Variants in SLC16A7 observed in about 807,000 individuals in gnomAD.
SLC16A7 encodes monocarboxylate transporter 2.
A neutral mutation model predicts 34.9 loss-of-function variants in SLC16A7; 33 were observed. That is an observed-to-expected ratio of 0.94 (90% confidence interval 0.72 to 1.26). The LOEUF is 1.26. SLC16A7 is among the 50% of genes most tolerant of loss of function. SLC16A7 has a pLI of 0.00. For synonymous variants in SLC16A7, 201 were observed against 206.6 expected (o/e 0.97, Z 0.23); for missense variants, 573 against 578.1 (o/e 0.99, Z 0.09).
chr12:59,657,126 A>G (rs1868577009), intron 2 of SLC16A7, among the ~76,000 whole-genome samples: 1 of 151,886 alleles, frequency 6.6e-6, no homozygotes, highest in South Asian at 2.1e-4. Flanking sequence ...CAAATACTGT[A>G]TTTTCTAGAT....
chr12:59,703,848 T>C (rs1443324701), intron 2 of SLC16A7, among the ~76,000 whole-genome samples: 3 of 152,258 alleles, frequency 2.0e-5, no homozygotes, highest in South Asian at 2.1e-4. Flanking sequence ...GTAATCATTT[T>C]GCTATGAATA....
chr12:59,677,215 G>T (rs937405553), intron 2 of SLC16A7, among the ~76,000 whole-genome samples: 3 of 152,156 alleles, frequency 2.0e-5, no homozygotes, highest in African/African-American at 7.2e-5. Flanking sequence ...GGGTTTGTGT[G>T]TGAAGAGGTT....
At chr12:59,607,073 T>C (rs1878980340) in intron 1 of SLC16A7, among the ~76,000 whole-genome samples, 2 of 152,214 alleles carry the variant, frequency 1.3e-5, no homozygotes, top group South Asian at 2.1e-4. Context: ...CTGTTTTCTG[T>C]GGCTGCCTTC....
intron 1 of SLC16A7, among the ~76,000 whole-genome samples, chr12:59,644,801 A>AC (rs1880837952): frequency 6.6e-6 from 1 of 152,174 alleles, no homozygotes; most frequent in Admixed American, 6.5e-5. Context: ...CGGATAGAAA[A>AC]CATAATTTCC....
intron 1 of SLC16A7, among the ~76,000 whole-genome samples, chr12:59,613,574 A>T (rs1294212198): frequency 6.6e-6 from 1 of 152,202 alleles, no homozygotes; most frequent in African/African-American, 2.4e-5. Context: ...AGAGAATCTG[A>T]TCCATGCATT....
rs140956178 is a variant in SLC16A7 at position 59,773,960 on chromosome 12, C to T, written c.362-697C>T. On this transcript the variant is annotated intron_variant, in intron 4 of 5. Coordinates refer to ENST00000547379, the MANE Select transcript of SLC16A7 (RefSeq NM_001270623.2). ...TAATTTATTTTCCAAAGGTGATACT[C>T]AACACTGCCAAGGAACTCCCTAGAC... 1.2e-4 allele frequency among the ~76,000 whole-genome samples: 19 copies of T among 152,268 alleles called. No individual in the cohort carries two copies. The East Asian group carries it at 3.7e-3, about 29-fold the overall frequency.
At position 59,629,542 on chromosome 12, in the gene SLC16A7, C is replaced by G. The variant is rs186538089; in HGVS notation, c.-129-25610C>G. Among the ~76,000 whole-genome samples, 57 of 151,784 alleles carry G rather than the reference C, an allele frequency of 3.8e-4. 2 individuals carry two copies. Among genetic ancestry groups the G allele is most frequent in the African/African-American group, 1.3e-3 (53 of 41,424 alleles). ...ATCTACTAATAAGTAATAAAATGAA[C>G]GAAAATAAACTCTTTTACAAGCAGC... On this transcript the variant is annotated intron_variant, in intron 1 of 5. Coordinates refer to ENST00000547379, the MANE Select transcript of SLC16A7 (RefSeq NM_001270623.2).
chr12:59,660,335 G>A (rs1308266357), intron 2 of SLC16A7, among the ~76,000 whole-genome samples: 1 of 151,876 alleles, frequency 6.6e-6, no homozygotes. Flanking sequence ...GTCCCCATGG[G>A]GAACCCAGAG....
At position 59,681,890 on chromosome 12, in the gene SLC16A7, A is replaced by G. The variant is rs116270350; in HGVS notation, c.-30-22882A>G. 6.1e-3 allele frequency among the ~76,000 whole-genome samples: 935 copies of G among 152,092 alleles called. 8 individuals carry two copies. The highest frequency in any genetic ancestry group is 0.02 in the African/African-American group (850 of 41,468). ...TCTGAACTCCTCTCAGAATAGGTCT[A>G]TTTCTATCACCTGTAGGGACCAGCT... On this transcript the variant is annotated intron_variant, in intron 2 of 5. Coordinates refer to ENST00000547379, the MANE Select transcript of SLC16A7 (RefSeq NM_001270623.2).
At chr12:59,761,720 G>A (rs1367345915) in intron 3 of SLC16A7, among the ~76,000 whole-genome samples, 3 of 152,016 alleles carry the variant, frequency 2.0e-5, no homozygotes, top group African/African-American at 7.2e-5. Flanking sequence ...AGGAGTAAAT[G>A]GCTGAGGCCC....
chr12:59,703,679 A>G (rs1873156478), intron 2 of SLC16A7, among the ~76,000 whole-genome samples: 2 of 152,120 alleles, frequency 1.3e-5, no homozygotes, highest in African/African-American at 4.8e-5. Context: ...TGGCTCCATC[A>G]GAGCTCACTG....
intron 1 of SLC16A7, among the ~76,000 whole-genome samples, chr12:59,597,773 A>G (rs924050794): frequency 1.3e-5 from 2 of 152,206 alleles, no homozygotes; most frequent in Non-Finnish European, 2.9e-5. Flanking sequence ...AAAGATTACA[A>G]CCGTAAGAAA....
intron 2 of SLC16A7, among the ~76,000 whole-genome samples, chr12:59,677,821 A>G (rs1260872679): frequency 3.9e-5 from 6 of 152,206 alleles, no homozygotes; most frequent in Admixed American, 2.6e-4. Context: ...GTCCAACTAC[A>G]TAGGTCATGG....
chr12:59,710,389 C>G (rs1874083866), intron 3 of SLC16A7, among the ~76,000 whole-genome samples: 1 of 152,094 alleles, frequency 6.6e-6, no homozygotes, highest in African/African-American at 2.4e-5. Flanking sequence ...GAATCATGGC[C>G]CTGGAGCTTT....
chr12:59,655,763 C>A (rs917853987), intron 2 of SLC16A7, among the ~76,000 whole-genome samples: 1 of 151,904 alleles, frequency 6.6e-6, no homozygotes, highest in Non-Finnish European at 1.5e-5. Flanking sequence ...TTTCCACACT[C>A]ATGATTCAAT....
rs574902172 is a variant in SLC16A7, at chr12:59,734,992, T to C, written c.217+29974T>C. On this transcript the variant is annotated intron_variant, in intron 3 of 5. Coordinates refer to ENST00000547379, the MANE Select transcript of SLC16A7 (RefSeq NM_001270623.2). ...AATAAAGCCCAATGCATTTTCTGTA[T>C]AACTAAATCATCTTGAAAAGAGTTT... 1.4e-4 allele frequency among the ~76,000 whole-genome samples: 22 copies of C among 152,344 alleles called. No homozygotes were observed. In the South Asian group the frequency reaches 4.3e-3, roughly 30 times the overall value.
intron 1 of SLC16A7, among the ~76,000 whole-genome samples, chr12:59,617,996 A>G (rs1253640920): frequency 1.3e-5 from 2 of 151,900 alleles, no homozygotes; most frequent in Admixed American, 6.6e-5. Flanking sequence ...AAATATAGCT[A>G]TATTTTACTA....
At chr12:59,730,861 T>G (rs1389611904) in intron 3 of SLC16A7, among the ~76,000 whole-genome samples, 1 of 152,200 alleles carries the variant, frequency 6.6e-6, no homozygotes, top group Non-Finnish European at 1.5e-5. Context: ...TGCTCTCAAG[T>G]CTCTTCACCA....
intron 2 of SLC16A7, among the ~76,000 whole-genome samples, chr12:59,694,742 A>G (rs901953872): frequency 1.3e-5 from 2 of 152,118 alleles, no homozygotes; most frequent in African/African-American, 4.8e-5. Flanking sequence ...CCTCATCTTT[A>G]ATGTTTCCAC....
Sources: allele counts gnomAD v4.1 joint callset (sites outside exome capture counted in the v4.1 genomes callset), GRCh38; gene constraint gnomAD v4.1.1; transcripts MANE v1.5; gene names NCBI Gene and HGNC (gene_info 2026-07-23, HGNC 2026-07-21).